SVOP: variants seen among roughly 807,000 people sequenced by gnomAD.
SVOP encodes synaptic vesicle 2-related protein.
SVOP carries 17 observed loss-of-function variants against 69.1 expected under a neutral mutation model. That is an observed-to-expected ratio of 0.25 (90% CI 0.17 to 0.37). The LOEUF (loss-of-function observed/expected upper bound fraction) is 0.37, where lower values mean the gene tolerates loss of function less well. Ranked by LOEUF, SVOP falls within the 10% of genes least tolerant of loss-of-function variation. The probability of loss-of-function intolerance (pLI) is 1.00; values close to 1 mark genes in which losing one functional copy is unlikely to be tolerated. For missense variants in SVOP, 435 were observed against 597.5 expected, an observed-to-expected ratio of 0.73 and a Z score of 2.84; for synonymous variants, 238 against 238.6, an observed-to-expected ratio of 1.00 and a Z score of 0.02.
chr12:108,978,544 G>A (rs1279926798), intron 3 of SVOP, 34 bp downstream of exon 3: 1 of 702,008 alleles, frequency 1.4e-6, no homozygotes, highest in Non-Finnish European at 2.6e-6. Flanking sequence ...GGGGTTTCTT[G>A]GAGGCTGAGC....
intron 1 of SVOP, among the ~76,000 whole-genome samples, chr12:108,984,983 T>A (rs2040159269): frequency 6.6e-6 from 1 of 152,110 alleles, no homozygotes; most frequent in Non-Finnish European, 1.5e-5. Flanking sequence ...TCCCAGCACT[T>A]TGGGAGGCTG....
At chr12:108,917,646 CT>C (rs57114699) in intron 14 of SVOP, among the ~76,000 whole-genome samples, 1,884 of 144,030 alleles carry the variant, frequency 0.013, 15 homozygotes, top group Middle Eastern at 0.067. Context: ...CCACCTCATT[CT>C]TTTTTTTTTT....
At position 108,980,719 on chromosome 12, in the gene SVOP, C is replaced by G. The variant is rs967084401; in HGVS notation, c.197-2056G>C. Among the ~76,000 whole-genome samples, 45 of 102,614 alleles carry G rather than the reference C, an allele frequency of 4.4e-4. 9 individuals carry two copies. The highest frequency in any genetic ancestry group is 7.9e-4 in the Non-Finnish European group (40 of 50,828). 67.3% of individuals were successfully genotyped at this position (102,614 alleles called of 152,430 possible). On this transcript the variant is annotated intron_variant, in intron 2 of 15. Coordinates refer to ENST00000610966, the MANE Select transcript of SVOP (RefSeq NM_018711.5). ...GAGCCGAGATTGCGCCACTGCAGTC[C>G]GCAGTCTGGCCTGGGCAACAGAGCG...
At chr12:108,931,485 TGCTTGA>T (rs2039818236) in intron 11 of SVOP, among the ~76,000 whole-genome samples, 1 of 152,192 alleles carries the variant, frequency 6.6e-6, no homozygotes, top group South Asian at 2.1e-4. Flanking sequence ...AACTTACTAA[TGCTTGA>T]GCTCCACCTG....
chr12:108,932,576 A>T (rs2039828127), intron 11 of SVOP, among the ~76,000 whole-genome samples: 1 of 152,124 alleles, frequency 6.6e-6, no homozygotes, highest in African/African-American at 2.4e-5. Flanking sequence ...CAAAAATGAA[A>T]TCCTAAGCTC....
intron 11 of SVOP, among the ~76,000 whole-genome samples, chr12:108,932,382 G>C (rs751615025): frequency 3.3e-5 from 5 of 152,116 alleles, no homozygotes; most frequent in South Asian, 4.1e-4. Flanking sequence ...CAAGGCTGCA[G>C]TGAGCTATGA....
chr12:109,001,068 G>A (rs928180064), intron 1 of SVOP, among the ~76,000 whole-genome samples: 2 of 151,506 alleles, frequency 1.3e-5, no homozygotes, highest in Non-Finnish European at 2.9e-5. Flanking sequence ...AAACCCCATT[G>A]TCTCAGCCCC....
intron 1 of SVOP, among the ~76,000 whole-genome samples, chr12:109,006,750 G>A (rs1263031378): frequency 6.6e-6 from 1 of 152,182 alleles, no homozygotes; most frequent in African/African-American, 2.4e-5. Context: ...GGCGGCTGGA[G>A]AGACCTGAGG....
intron 5 of SVOP, among the ~76,000 whole-genome samples, chr12:108,964,598 C>T (rs548909131): frequency 3.3e-5 from 5 of 152,098 alleles, no homozygotes; most frequent in Non-Finnish European, 5.9e-5. Flanking sequence ...TTTCCAGCTG[C>T]CCCAAAATGA....
At chr12:108,994,928 C>T (rs1257472777) in intron 1 of SVOP, among the ~76,000 whole-genome samples, 1 of 152,110 alleles carries the variant, frequency 6.6e-6, no homozygotes, top group Non-Finnish European at 1.5e-5. Flanking sequence ...CTTGATCAAG[C>T]CCAGGAGTTC....
intron 1 of SVOP, among the ~76,000 whole-genome samples, chr12:109,003,317 T>A (rs535172302): frequency 1.3e-5 from 2 of 152,324 alleles, no homozygotes; most frequent in African/African-American, 4.8e-5. Flanking sequence ...CATCTACTGC[T>A]CTTATTATAA....
chr12:108,923,173 T>C (rs531730103), intron 11 of SVOP, among the ~76,000 whole-genome samples: 1 of 152,266 alleles, frequency 6.6e-6, no homozygotes, highest in African/African-American at 2.4e-5. Flanking sequence ...TGTAATCCCC[T>C]CCCCTTGATT....
intron 7 of SVOP, among the ~76,000 whole-genome samples, chr12:108,943,045 C>G (rs139589272): frequency 0.016 from 2,378 of 151,938 alleles, 64 homozygotes; most frequent in African/African-American, 0.054. Context: ...AGGTGTGAGC[C>G]ACTGTGCCCG....
At chr12:108,967,740 T>C (rs1455043484) in intron 5 of SVOP, among the ~76,000 whole-genome samples, 1 of 152,162 alleles carries the variant, frequency 6.6e-6, no homozygotes, top group African/African-American at 2.4e-5. Flanking sequence ...TTGGCCCCTA[T>C]GCACTGGATG....
At chr12:108,932,248 C>T (rs1484480924) in intron 11 of SVOP, among the ~76,000 whole-genome samples, 2 of 152,044 alleles carry the variant, frequency 1.3e-5, no homozygotes, top group African/African-American at 2.4e-5. Flanking sequence ...AACTCCTGGC[C>T]TCAAGTGATC....
chr12:108,923,519 C>T (rs1280392465), intron 11 of SVOP, among the ~76,000 whole-genome samples: 2 of 152,062 alleles, frequency 1.3e-5, no homozygotes, highest in African/African-American at 2.4e-5. Flanking sequence ...GATGAGAACA[C>T]AGACCTCCAG....
At chr12:109,018,220 C>A (rs947332501) in intron 1 of SVOP, among the ~76,000 whole-genome samples, 2 of 152,174 alleles carry the variant, frequency 1.3e-5, no homozygotes, top group Non-Finnish European at 2.9e-5. Context: ...CACAAGGTCA[C>A]ACAAAAAGGC....
At chr12:108,976,456 T>C (rs184133922) in intron 4 of SVOP, among the ~76,000 whole-genome samples, 1 of 152,318 alleles carries the variant, frequency 6.6e-6, no homozygotes, top group East Asian at 1.9e-4. Flanking sequence ...GCCTAGCTCA[T>C]AGGTCTGTGA....
At chr12:108,982,839 T>TCATCATCATCACTATCATCACCACCAC (rs2040147145) in intron 2 of SVOP, among the ~76,000 whole-genome samples, 4 of 105,454 alleles carry the variant, frequency 3.8e-5, no homozygotes, top group African/African-American at 3.8e-5. Context: ...ACTGTCACCA[T>TCATCATCATCACTATCATCACCACCAC]CATCATCATC....
Sources: gnomAD v4.1 joint callset for allele counts (sites outside exome capture counted in the v4.1 genomes callset) on GRCh38, gnomAD v4.1.1 for gene constraint, MANE v1.5 for transcripts, NCBI Gene and HGNC (gene_info 2026-07-23, HGNC 2026-07-21) for gene names.